IQCM: variants seen among roughly 807,000 people sequenced by gnomAD.
The protein encoded by IQCM is IQ motif containing M.
IQCM carries 45 observed loss-of-function variants against 57.6 expected under a neutral mutation model. That is an observed-to-expected ratio of 0.78 (90% CI 0.62 to 1.00). IQCM has a LOEUF of 1.00. IQCM is among the 50% of genes least tolerant of loss of function. The probability of loss-of-function intolerance (pLI) is 0.00; values close to 1 mark genes in which losing one functional copy is unlikely to be tolerated. For synonymous variants in IQCM, 148 were observed against 158.9 expected (o/e 0.93, Z 0.51); for missense variants, 468 against 511.6 (o/e 0.91, Z 0.82).
intron 12 of IQCM, among the ~76,000 whole-genome samples, chr4:149,435,084 G>T (rs1198684469): frequency 2.0e-5 from 3 of 151,986 alleles, no homozygotes; most frequent in African/African-American, 7.2e-5. Context: ...TCAGACCAAG[G>T]GGTCCCTATA....
At chr4:149,500,470 C>G (rs1743124385) in intron 12 of IQCM, among the ~76,000 whole-genome samples, 1 of 151,802 alleles carries the variant, frequency 6.6e-6, no homozygotes, top group Non-Finnish European at 1.5e-5. Context: ...ATATTCAGAC[C>G]CAGATTACTG....
At position 149,489,249 on chromosome 4, in the gene IQCM, C is replaced by T. The variant is rs575748547; in HGVS notation, c.1229-55692G>A. On this transcript the variant is annotated intron_variant, in intron 12 of 13. Transcript: ENST00000636793. ...CTTCAACTGCATTTTTTTAAAATTT[C>T]GAACTAAACACAAAATGTCCAGCAT... Among the ~76,000 whole-genome samples the T allele has an allele frequency of 8.5e-5, 13 of 152,140 alleles. 1 individual carries two copies. The South Asian group carries it at 2.1e-3, about 24-fold the overall frequency.
chr4:149,490,707 C>T (rs1264145592), intron 12 of IQCM, among the ~76,000 whole-genome samples: 1 of 152,068 alleles, frequency 6.6e-6, no homozygotes, highest in African/African-American at 2.4e-5. Flanking sequence ...TGTATAACAG[C>T]TCCCATAGTG....
intron 8 of IQCM, among the ~76,000 whole-genome samples, chr4:149,592,000 C>T (rs896955778): frequency 1.3e-5 from 2 of 152,000 alleles, no homozygotes; most frequent in Non-Finnish European, 2.9e-5. Context: ...ATGGTATTTC[C>T]AGTTCTAGAT....
intron 13 of IQCM, among the ~76,000 whole-genome samples, chr4:149,379,336 T>C (rs1437931167): frequency 5.3e-5 from 8 of 152,204 alleles, no homozygotes; most frequent in African/African-American, 1.9e-4. Flanking sequence ...GCTTGCACCC[T>C]GCACATGGAA....
intron 8 of IQCM, among the ~76,000 whole-genome samples, chr4:149,618,177 A>C (rs1755966857): frequency 6.6e-6 from 1 of 152,152 alleles, no homozygotes; most frequent in Non-Finnish European, 1.5e-5. Context: ...TGGAAGAATA[A>C]ATAACCCAGA....
intron 13 of IQCM, among the ~76,000 whole-genome samples, chr4:149,405,145 A>T (rs895026645): frequency 6.6e-6 from 1 of 152,060 alleles, no homozygotes; most frequent in Admixed American, 6.6e-5. Flanking sequence ...AGAAAGGAAA[A>T]AAAAGAAGAA....
intron 12 of IQCM, among the ~76,000 whole-genome samples, chr4:149,441,405 T>G (rs72955411): frequency 0.025 from 3,822 of 152,024 alleles, 119 homozygotes; most frequent in African/African-American, 0.079. Context: ...TGAGATAAAA[T>G]AAAAAGAAAA....
chr4:149,400,234 T>A (rs1458660358), intron 13 of IQCM, among the ~76,000 whole-genome samples: 2 of 151,956 alleles, frequency 1.3e-5, no homozygotes, highest in Admixed American at 1.3e-4. Context: ...TTTTGTTTTT[T>A]CTTTTTGCTT....
chr4:149,767,100 T>G (rs1174694468), intron 2 of IQCM, among the ~76,000 whole-genome samples: 3 of 152,122 alleles, frequency 2.0e-5, no homozygotes, highest in Admixed American at 1.3e-4. Context: ...ATCTTTTTTC[T>G]TTTCTAATTT....
chr4:149,606,746 A>G (rs1051166096), intron 8 of IQCM, among the ~76,000 whole-genome samples: 2 of 152,202 alleles, frequency 1.3e-5, no homozygotes, highest in African/African-American at 4.8e-5. Context: ...CAGAAATTCT[A>G]GAGCTGAAAA....
intron 2 of IQCM, among the ~76,000 whole-genome samples, chr4:149,756,799 TAAG>T (rs750708529): frequency 1.2e-4 from 18 of 152,184 alleles, no homozygotes; most frequent in Non-Finnish European, 1.9e-4. Flanking sequence ...TTAGCTTGTT[TAAG>T]AAGAGGATAA....
At chr4:149,696,189 T>C (rs746994135) in intron 5 of IQCM, among the ~76,000 whole-genome samples, 7 of 152,164 alleles carry the variant, frequency 4.6e-5, no homozygotes, top group Non-Finnish European at 7.3e-5. Context: ...GAAACTGCTC[T>C]CATCAAAGAT....
chr4:149,527,985 TTTG>T, intron 12 of IQCM, among the ~76,000 whole-genome samples: 1 of 37,306 alleles, frequency 2.7e-5, no homozygotes, highest in Non-Finnish European at 4.5e-5. Context: ...TATCTTGTTT[TTTG>T]TTTTTTTTTT....
At chr4:149,569,913 A>T (rs1013178023) in intron 9 of IQCM, among the ~76,000 whole-genome samples, 1 of 152,144 alleles carries the variant, frequency 6.6e-6, no homozygotes, top group African/African-American at 2.4e-5. Context: ...ATAAAATATG[A>T]GAAAGCTTTT....
intron 10 of IQCM, among the ~76,000 whole-genome samples, chr4:149,562,064 A>G (rs1750177461): frequency 6.6e-6 from 1 of 152,232 alleles, no homozygotes; most frequent in Non-Finnish European, 1.5e-5. Context: ...AGGGGGTATC[A>G]TGTGATGAAG....
chr4:149,553,269 C>G lies in IQCM; in HGVS notation c.967G>C (p.Asp323His). The change falls in exon 11 of 14, where the codon GAT becomes CAT. Residue 323 changes from aspartate (D) to histidine (H), a missense_variant. Transcript: ENST00000636793. ...VMTKALDHGP[D>H]MKAVINMYGR... ...TACATGTTAATAACTGCTTTCATAT[C>G]TGGTCCATGATCCAAAGCCTACAAA... 1.6e-6 allele frequency: 2 copies of G among 1,231,924 alleles called. No homozygotes were observed. The highest frequency in any genetic ancestry group is 3.2e-5 in the East Asian group (1 of 31,680). The allele number at this position is 1,231,924 out of a possible 1,614,324, so 76.3% of individuals were successfully genotyped here.
intron 2 of IQCM, among the ~76,000 whole-genome samples, chr4:149,812,669 G>A (rs147791967): frequency 1.3e-5 from 2 of 151,966 alleles, no homozygotes; most frequent in Non-Finnish European, 2.9e-5. Flanking sequence ...AATAAATTAG[G>A]TTTGACGTGA....
At chr4:149,556,301 T>G (rs1350384477) in intron 10 of IQCM, among the ~76,000 whole-genome samples, 2 of 146,846 alleles carry the variant, frequency 1.4e-5, no homozygotes, top group African/African-American at 5.0e-5. Flanking sequence ...TGGTCATGTC[T>G]TTTTTTTTTT....
Sources: gnomAD v4.1 joint callset for allele counts (sites outside exome capture counted in the v4.1 genomes callset) on GRCh38, gnomAD v4.1.1 for gene constraint, MANE v1.5 for transcripts, NCBI Gene and HGNC (gene_info 2026-07-23, HGNC 2026-07-21) for gene names.